PTPRT: variants seen among roughly 807,000 people sequenced by gnomAD.
PTPRT encodes the protein receptor-type tyrosine-protein phosphatase T.
Under a neutral mutation model 176.8 loss-of-function variants are expected in PTPRT, and 56 were observed. That is an observed-to-expected ratio of 0.32 (90% CI 0.26 to 0.40). The LOEUF (loss-of-function observed/expected upper bound fraction) is 0.40, where lower values mean the gene tolerates loss of function less well. Ranked by LOEUF, PTPRT falls within the 10% of genes least tolerant of loss-of-function variation. The pLI is 1.00. For missense variants in PTPRT, 1,540 were observed against 1,908.2 expected, an observed-to-expected ratio of 0.81 and a Z score of 3.60; for synonymous variants, 783 against 739.0, an observed-to-expected ratio of 1.06 and a Z score of -0.96.
intron 7 of PTPRT, among the ~76,000 whole-genome samples, chr20:42,510,594 T>C (rs2071936921): frequency 6.6e-6 from 1 of 151,866 alleles, no homozygotes; most frequent in African/African-American, 2.4e-5. Flanking sequence ...CCCTAAAGGA[T>C]AGAGTAAAAC....
intron 6 of PTPRT, among the ~76,000 whole-genome samples, chr20:42,680,172 C>A (rs2075579283): frequency 6.6e-6 from 1 of 152,094 alleles, no homozygotes; most frequent in South Asian, 2.1e-4. Flanking sequence ...AATTAATTAC[C>A]TAGAAGCAAA....
chr20:42,465,437 T>G (rs977348672), intron 8 of PTPRT, among the ~76,000 whole-genome samples: 1 of 152,186 alleles, frequency 6.6e-6, no homozygotes, highest in Non-Finnish European at 1.5e-5. Flanking sequence ...TTGAATAAAT[T>G]ACAGTATTTC....
At chr20:42,620,468 C>G (rs1352340119) in intron 7 of PTPRT, among the ~76,000 whole-genome samples, 1 of 148,878 alleles carries the variant, frequency 6.7e-6, no homozygotes, top group Non-Finnish European at 1.5e-5. Flanking sequence ...GTGGGCTCCA[C>G]CCAGTTCGAG....
intron 2 of PTPRT, among the ~76,000 whole-genome samples, chr20:42,883,949 C>T (rs1156622188): frequency 1.3e-5 from 2 of 150,788 alleles, no homozygotes; most frequent in African/African-American, 4.9e-5. Context: ...CACACCACAC[C>T]CATACACCCC....
intron 1 of PTPRT, among the ~76,000 whole-genome samples, chr20:43,053,132 C>G (rs749111350): frequency 1.3e-5 from 2 of 152,104 alleles, no homozygotes; most frequent in Admixed American, 6.5e-5. Context: ...TTGAAAGAAA[C>G]TAGCCCCAAA....
chr20:42,387,301 G>T (rs2058754221), intron 9 of PTPRT, among the ~76,000 whole-genome samples: 1 of 152,198 alleles, frequency 6.6e-6, no homozygotes, highest in South Asian at 2.1e-4. Context: ...CCAGCCCAGA[G>T]ATTCAATAAG....
intron 2 of PTPRT, among the ~76,000 whole-genome samples, chr20:42,839,678 C>T (rs979466865): frequency 1.4e-4 from 22 of 152,138 alleles, no homozygotes; most frequent in African/African-American, 4.6e-4. Flanking sequence ...AGAAAAATGA[C>T]CAAGGACATC....
chr20:42,959,477 T>C (rs1981864329), intron 1 of PTPRT, among the ~76,000 whole-genome samples: 1 of 152,204 alleles, frequency 6.6e-6, no homozygotes. Flanking sequence ...CATCATCTCA[T>C]TTAATTCACA....
chr20:42,771,591 C>T (rs1343318564), intron 4 of PTPRT, 41 bp from the exon 5 acceptor site: 2 of 1,513,544 alleles, frequency 1.3e-6, no homozygotes, highest in Non-Finnish European at 1.8e-6. Context: ...TGAGATTCGA[C>T]AGCCTGCACC....
At chr20:42,419,781 T>C (rs549755738) in intron 9 of PTPRT, among the ~76,000 whole-genome samples, 181 of 152,306 alleles carry the variant, frequency 1.2e-3, no homozygotes, top group African/African-American at 4.2e-3. Context: ...ATAAGGTTTT[T>C]GCATCTATAA....
intron 2 of PTPRT, among the ~76,000 whole-genome samples, chr20:42,821,938 T>C (rs953799401): frequency 6.6e-6 from 1 of 152,002 alleles, no homozygotes; most frequent in African/African-American, 2.4e-5. Flanking sequence ...AAACATTCCA[T>C]CCTCATGGAT....
chr20:42,122,464 C>T (rs1987638715), intron 19 of PTPRT, among the ~76,000 whole-genome samples: 1 of 152,162 alleles, frequency 6.6e-6, no homozygotes, highest in African/African-American at 2.4e-5. Flanking sequence ...CCTATCCCTT[C>T]CTCCAAGTCA....
intron 1 of PTPRT, among the ~76,000 whole-genome samples, chr20:43,098,983 T>C (rs1327802488): frequency 1.3e-5 from 2 of 152,122 alleles, no homozygotes; most frequent in African/African-American, 4.8e-5. Context: ...GTCTGGACTC[T>C]AGCATATGCA....
chr20:42,315,665 T>C (rs2057710145), intron 12 of PTPRT, 58 bp downstream of exon 12: 1 of 1,567,270 alleles, frequency 6.4e-7, no homozygotes, highest in Admixed American at 1.7e-5. Context: ...TGACTTATCA[T>C]TTGAGAATGA....
intron 7 of PTPRT, among the ~76,000 whole-genome samples, chr20:42,648,065 C>T (rs918625481): frequency 6.6e-6 from 1 of 150,896 alleles, no homozygotes; most frequent in Admixed American, 6.6e-5. Context: ...AACACTTTCC[C>T]CTGATCCTCT....
At chr20:42,559,015 G>C (rs2072906532) in intron 7 of PTPRT, among the ~76,000 whole-genome samples, 1 of 152,098 alleles carries the variant, frequency 6.6e-6, no homozygotes, top group Non-Finnish European at 1.5e-5. Context: ...AACTCCATGA[G>C]GACAAACACC....
chr20:42,922,139 T>C (rs559223217), intron 1 of PTPRT, among the ~76,000 whole-genome samples: 3 of 152,178 alleles, frequency 2.0e-5, no homozygotes, highest in African/African-American at 4.8e-5. Context: ...TTTCGCTATA[T>C]TGGCCAGGCT....
intron 2 of PTPRT, among the ~76,000 whole-genome samples, chr20:42,846,275 G>T (rs993647372): frequency 6.6e-6 from 1 of 152,164 alleles, no homozygotes; most frequent in East Asian, 1.9e-4. Context: ...GAGGCATGCC[G>T]GGCTGCAGTT....
rs533576322 is a variant in PTPRT, at chr20:42,300,756, G to GTAT, written c.2139+14964_2139+14966dup. Among the ~76,000 whole-genome samples the GTAT allele has an allele frequency of 9.5e-3, 1,406 of 148,018 alleles. 10 individuals are homozygous for GTAT. Among genetic ancestry groups the GTAT allele is most frequent in the South Asian group, 0.012 (55 of 4,720 alleles). On this transcript the variant is annotated intron_variant, in intron 12 of 30. Transcript: ENST00000373187. The stretch of plus-strand genomic sequence containing the variant: ...TCATTTGGCAAACATCTTTTTATTT[G>GTAT]TATTATTATTATTATTATTATTATT...
Sources: allele counts gnomAD v4.1 joint callset (sites outside exome capture counted in the v4.1 genomes callset), GRCh38; gene constraint gnomAD v4.1.1; transcripts MANE v1.5; gene names NCBI Gene and HGNC (gene_info 2026-07-23, HGNC 2026-07-21).